Variants in CYP3A7 observed in about 807,000 individuals in gnomAD.
CYP3A7 encodes the protein cytochrome P450 3A7.
CYP3A7 carries 45 observed loss-of-function variants against 55.2 expected under a neutral mutation model. The ratio of observed to expected loss-of-function variants is 0.82; its 90% confidence interval spans 0.64 to 1.05. The LOEUF is 1.05. CYP3A7 is among the 50% of genes least tolerant of loss of function. The pLI is 0.00. For synonymous variants in CYP3A7, 180 were observed against 207.4 expected (o/e 0.87, Z 1.13); for missense variants, 548 against 605.3 (o/e 0.91, Z 0.99).
intron 2 of CYP3A7, among the ~76,000 whole-genome samples, chr7:99,723,766 C>G (rs1814301198): frequency 1.3e-5 from 2 of 152,160 alleles, no homozygotes; most frequent in Non-Finnish European, 2.9e-5. Context: ...TCCCTCCACC[C>G]TTCAATCTCT....
intron 3 of CYP3A7, among the ~76,000 whole-genome samples, chr7:99,721,399 T>C (rs530539498): frequency 6.6e-6 from 1 of 152,292 alleles, no homozygotes; most frequent in African/African-American, 2.4e-5. Flanking sequence ...AAAGTTGAAA[T>C]GAAAGAGTTT....
chr7:99,717,261 A>G lies in CYP3A7; in HGVS notation c.437T>C (p.Val146Ala), dbSNP rs771312564. 8.7e-6 allele frequency: 14 copies of G among 1,613,840 alleles called. No individual in the cohort carries two copies. The East Asian group carries it at 2.2e-4, about 26-fold the overall frequency. Residue 146 changes from valine to alanine, a missense_variant, in exon 6 of 13, where the codon GTC (valine) becomes GCC (alanine). Val to Ala is a moderately conservative substitution (Grantham distance 64). Coordinates refer to ENST00000336374, the MANE Select transcript of CYP3A7 (RefSeq NM_000765.5). ...TFTSGKLKEM[V>A]PIIAQYGDVL... ...ATCTCCATACTGGGCAATGATAGGG[A>G]CCATCTAAGCACAAAACACAACACC...
At chr7:99,727,474 T>A (rs1287699560) in intron 2 of CYP3A7, among the ~76,000 whole-genome samples, 1 of 152,188 alleles carries the variant, frequency 6.6e-6, no homozygotes, top group Non-Finnish European at 1.5e-5. Flanking sequence ...ATTACCATTG[T>A]ACCTGGCCTG....
chr7:99,716,367 A>G (rs573165381), intron 6 of CYP3A7, among the ~76,000 whole-genome samples: 6 of 152,314 alleles, frequency 3.9e-5, no homozygotes, highest in African/African-American at 1.4e-4. Flanking sequence ...AAGCAACAGT[A>G]CCATGTCCTG....
Position 99,735,154 on chromosome 7 carries a change from T to C in CYP3A7, c.-61A>G. 6.3e-7 allele frequency: 1 copy of C among 1,599,612 alleles called. No homozygotes were observed. The highest frequency in any genetic ancestry group is 8.6e-7 in the Non-Finnish European group (1 of 1,168,328). On this transcript the variant is annotated 5_prime_UTR_variant, in exon 1 of 13. Coordinates refer to ENST00000336374, the MANE Select transcript of CYP3A7 (RefSeq NM_000765.5). ...TTTTTTTCAGCAGCGTGCTGCTGTT[T>C]GCTGGGCTGTGTGTGTGGAGCTTTC...
In CYP3A7 at chr7:99,717,262, C is replaced by T; in HGVS notation, c.436G>A (p.Val146Ile). ...TCTCCATACTGGGCAATGATAGGGA[C>T]CATCTAAGCACAAAACACAACACCA... ...TFTSGKLKEMVPIIAQYGDVL... is the reference protein window; with the variant it reads ...TFTSGKLKEMIPIIAQYGDVL... Residue 146 changes from valine to isoleucine, a missense_variant, in exon 6 of 13, where the codon GTC becomes ATC. Val to Ile is a conservative substitution (Grantham distance 29, BLOSUM62 3). Transcript: ENST00000336374. 1 of 1,613,930 alleles carries T rather than the reference C, an allele frequency of 6.2e-7. No homozygotes were observed. The highest frequency in any genetic ancestry group is 8.5e-7 in the Non-Finnish European group (1 of 1,179,852).
rs774004460 is a variant in CYP3A7 at position 99,720,319 on chromosome 7, G to A, written c.312C>T (p.Asn104=). 2.9e-5 allele frequency: 46 copies of A among 1,612,712 alleles called. No individual in the cohort carries two copies. Among genetic ancestry groups the A allele is most frequent in the Non-Finnish European group, 3.6e-5 (43 of 1,179,688 alleles). ...TCAAAAAATGGATGCTTACCCTCCG[G>A]TTTGTGAAGACAGAATAACATTCTT... ...LVKECYSVFT[N]RRPFGPVGFM... Residue 104 remains asparagine (N), a synonymous_variant, in exon 4 of 13, where the codon AAC becomes AAT. Coordinates refer to ENST00000336374, the MANE Select transcript of CYP3A7 (RefSeq NM_000765.5).
chr7:99,718,004 G>C (rs1288394101), intron 4 of CYP3A7, among the ~76,000 whole-genome samples: 2 of 152,172 alleles, frequency 1.3e-5, no homozygotes, highest in Middle Eastern at 3.4e-3. Flanking sequence ...CTGTCTTTAT[G>C]TTCACCTAAA....
At chr7:99,716,620 A>G (rs993436532) in intron 6 of CYP3A7, among the ~76,000 whole-genome samples, 1 of 152,188 alleles carries the variant, frequency 6.6e-6, no homozygotes, top group South Asian at 2.1e-4. Context: ...TTGTTCCTGC[A>G]TAAGTGTAGA....
At chr7:99,734,913 G>A (rs546733453) in intron 1 of CYP3A7, 110 bp downstream of exon 1, 39 of 1,546,150 alleles carry the variant, frequency 2.5e-5, no homozygotes, top group Admixed American at 6.7e-5. Flanking sequence ...GAGCCACCAC[G>A]GCCAGCCTGA....
intron 9 of CYP3A7, among the ~76,000 whole-genome samples, chr7:99,712,468 AT>A (rs1164705829): frequency 6.6e-6 from 1 of 152,184 alleles, no homozygotes; most frequent in Non-Finnish European, 1.5e-5. Context: ...ACAACTTAAA[AT>A]TTTTCATCAG....
intron 2 of CYP3A7, among the ~76,000 whole-genome samples, chr7:99,727,202 T>C (rs1312908764): frequency 6.6e-6 from 1 of 152,210 alleles, no homozygotes; most frequent in Non-Finnish European, 1.5e-5. Context: ...CTGGAATTCT[T>C]ACACAAGGAC....
chr7:99,705,152 T>C lies in CYP3A7; in HGVS notation c.*348A>G. ...TAGAGCCATCAAAATAATTCCTATT[T>C]TTATTAATGATTGTGGTTGAAATTA... On this transcript the variant is annotated 3_prime_UTR_variant, in exon 13 of 13. Transcript: ENST00000336374. 1 of 252,308 alleles carries C rather than the reference T, an allele frequency of 4.0e-6. No individual in the cohort carries two copies. 15.6% of individuals were successfully genotyped at this position (252,308 alleles called of 1,614,324 possible).
rs774084637 is a variant in CYP3A7 at position 99,705,483 on chromosome 7, A to T, written c.*17T>A. On this transcript the variant is annotated 3_prime_UTR_variant, in exon 13 of 13. Coordinates refer to ENST00000336374, the MANE Select transcript of CYP3A7 (RefSeq NM_000765.5). The stretch of plus-strand genomic sequence containing the variant: ...GCACAGCTTTCTTAAAGAGCAAACC[A>T]GAAGTCCTTAGGGAAATCAGGCTCC... 1 of 1,612,776 alleles carries T rather than the reference A, an allele frequency of 6.2e-7. No homozygotes were observed. The highest frequency in any genetic ancestry group is 8.5e-7 in the Non-Finnish European group (1 of 1,179,042).
chr7:99,717,188 G>C lies in CYP3A7; in HGVS notation c.510C>G (p.Val170=). Residue 170 remains valine, a synonymous_variant, in exon 6 of 13, where the codon GTC becomes GTG. Coordinates refer to ENST00000336374, the MANE Select transcript of CYP3A7 (RefSeq NM_000765.5). ...GTGCTCCTACTTACTGTTTCAAGGT[G>C]ACAGGCTTGCCTGTCTCTGCTTCCC... The part of the protein sequence containing the change: ...LRREAETGKP[V]TLKHVFGAYS... The C allele has an allele frequency of 6.2e-7, 1 of 1,613,888 alleles. No individual in the cohort carries two copies.
intron 6 of CYP3A7, 116 bp from the exon 7 acceptor site, chr7:99,716,022 C>A: frequency 1.3e-6 from 2 of 1,591,898 alleles, no homozygotes; most frequent in South Asian, 1.1e-5. Context: ...CACAGACTTT[C>A]AGAACTATTT....
chr7:99,709,784 G>GTT (rs1166246921), intron 10 of CYP3A7, among the ~76,000 whole-genome samples: 14 of 151,704 alleles, frequency 9.2e-5, no homozygotes, highest in African/African-American at 3.4e-4. Context: ...ATGTGTGTGT[G>GTT]TGTGTATATA....
intron 2 of CYP3A7, among the ~76,000 whole-genome samples, chr7:99,727,550 G>T (rs1203370150): frequency 6.6e-6 from 1 of 152,062 alleles, no homozygotes; most frequent in Non-Finnish European, 1.5e-5. Context: ...GTATCTCTCT[G>T]ATCCATCTGA....
intron 2 of CYP3A7, among the ~76,000 whole-genome samples, chr7:99,725,188 G>A (rs1814362442): frequency 6.6e-6 from 1 of 152,152 alleles, no homozygotes. Flanking sequence ...CCCAGTTCAT[G>A]GCCCACTTAG....
Sources: gnomAD v4.1 joint callset for allele counts (sites outside exome capture counted in the v4.1 genomes callset) on GRCh38, gnomAD v4.1.1 for gene constraint, MANE v1.5 for transcripts, NCBI Gene and HGNC (gene_info 2026-07-23, HGNC 2026-07-21) for gene names.